The following TNRC6C variants were observed in gnomAD, a reference collection of about 807,000 sequenced individuals.
TNRC6C encodes trinucleotide repeat containing adaptor 6C, also known as trinucleotide repeat-containing gene 6C protein.
A neutral mutation model predicts 153.7 loss-of-function variants in TNRC6C; 20 were observed. The observed-to-expected ratio is 0.13, with a 90% confidence interval of 0.09 to 0.19. TNRC6C has a LOEUF of 0.19. Among genes scored for constraint, TNRC6C ranks in the 10% least tolerant of loss-of-function variants. TNRC6C has a pLI of 1.00. For synonymous variants in TNRC6C, 811 were observed against 841.4 expected (o/e 0.96, Z 0.63); for missense variants, 1,987 against 2,172.0 (o/e 0.91, Z 1.69).
At chr17:78,056,801 C>G (rs531631148) in intron 3 of TNRC6C, among the ~76,000 whole-genome samples, 1 of 143,494 alleles carries the variant, frequency 7.0e-6, no homozygotes, top group Non-Finnish European at 1.6e-5. Context: ...GTAGCCAAAA[C>G]ATGGGAGCTT....
intron 1 of TNRC6C, among the ~76,000 whole-genome samples, chr17:77,961,608 C>T (rs568649354): frequency 3.4e-4 from 51 of 152,034 alleles, no homozygotes; most frequent in Non-Finnish European, 6.8e-4. Context: ...GATTTTCGTC[C>T]TTCGTGTTTA....
intron 13 of TNRC6C, among the ~76,000 whole-genome samples, chr17:78,090,443 C>T (rs16970802): frequency 0.081 from 12,313 of 152,232 alleles, 575 homozygotes; most frequent in East Asian, 0.18. Context: ...ACTGTGCTTA[C>T]GTACCGTGTG....
intron 1 of TNRC6C, among the ~76,000 whole-genome samples, chr17:77,981,523 G>A (rs757875082): frequency 2.0e-5 from 3 of 152,172 alleles, no homozygotes; most frequent in Non-Finnish European, 4.4e-5. Context: ...AAGCAGGATC[G>A]AAGACCAAAT....
At chr17:77,995,721 TAC>T (rs34732155) in intron 1 of TNRC6C, among the ~76,000 whole-genome samples, 34 of 150,686 alleles carry the variant, frequency 2.3e-4, no homozygotes, top group South Asian at 1.5e-3. Flanking sequence ...ACATTTAAAG[TAC>T]ACACACACAC....
At chr17:78,051,949 A>T (rs1300961150) in intron 3 of TNRC6C, among the ~76,000 whole-genome samples, 1 of 152,264 alleles carries the variant, frequency 6.6e-6, no homozygotes, top group African/African-American at 2.4e-5. Context: ...ACCAGTTCTC[A>T]GCCAGAGGGG....
exon 3 of TNRC6C, chr17:78,050,259 T>C: frequency 6.5e-7 from 1 of 1,543,020 alleles, no homozygotes; most frequent in African/African-American, 1.4e-5. Context: ...GTGAAGGAAG[T>C]AGTGATGGTT....
chr17:78,013,798 C>T (rs752774728), intron 1 of TNRC6C, among the ~76,000 whole-genome samples: 4 of 152,010 alleles, frequency 2.6e-5, no homozygotes, highest in South Asian at 2.1e-4. Context: ...AGCCTGTGGC[C>T]GTATGGAGTA....
intron 1 of TNRC6C, among the ~76,000 whole-genome samples, chr17:77,964,141 A>G (rs1025026760): frequency 1.3e-5 from 2 of 152,230 alleles, no homozygotes; most frequent in African/African-American, 4.8e-5. Context: ...TTTTTGGCAT[A>G]ACAAATTTTT....
chr17:78,093,757 A>T lies in TNRC6C; in HGVS notation c.4300A>T (p.Ser1434Cys), dbSNP rs776156457. The T allele has an allele frequency of 3.7e-6, 6 of 1,613,706 alleles. No individual in the cohort carries two copies. In the South Asian group the frequency reaches 6.6e-5, roughly 18 times the overall value. ...GGATGTCAACCGCTACCTCCTCAAG[A>T]GTGGAGGTGAGGGTGCTGCTCTTCC... Residue 1434 changes from serine to cysteine, a missense_variant, in exon 16 of 20, where the codon AGT becomes TGT. Transcript: ENST00000301624.
Position 78,103,394 on chromosome 17 carries a change from C to G in TNRC6C, c.4573-20C>G, listed in dbSNP as rs1245084991. On this transcript the variant is annotated intron_variant, in intron 18 of 19. Transcript: ENST00000301624. ...AAATCAGAAGAAAGCTCATTCATGT[C>G]CCTGTGCTTCCTCTATCAGATTGAT... 3 of 1,612,700 alleles carry G rather than the reference C, an allele frequency of 1.9e-6. No homozygotes were observed. In the African/African-American group the frequency reaches 4.0e-5, roughly 22 times the overall value.
rs905610597 is a variant in TNRC6C, at chr17:78,031,490, G to A, written c.-545-26G>A. On this transcript the variant is annotated intron_variant, in intron 1 of 19. Transcript: ENST00000301624. Reference sequence around the variant, plus strand: ...TAAAGGGGTCTAGCTAAAGTTTTGGGTTCTTTTGCCTTTCATTCATTTTAG... The same window carrying A: ...TAAAGGGGTCTAGCTAAAGTTTTGGATTCTTTTGCCTTTCATTCATTTTAG... The A allele has an allele frequency of 4.1e-6, 5 of 1,231,742 alleles. No homozygotes were observed. The African/African-American group carries it at 7.8e-5, about 19-fold the overall frequency. The allele number at this position is 1,231,742 out of a possible 1,614,324, so 76.3% of individuals were successfully genotyped here.
chr17:78,073,005 T>C (rs1489373970), intron 6 of TNRC6C, 32 bp from the exon 9 acceptor site: 1 of 1,493,942 alleles, frequency 6.7e-7, no homozygotes, highest in Admixed American at 2.0e-5. Flanking sequence ...TTAATTAATG[T>C]GCACTAATGA....
chr17:78,065,053 A>G, intron 4 of TNRC6C, 116 bp downstream of exon 6: 1 of 1,236,204 alleles, frequency 8.1e-7, no homozygotes, highest in Non-Finnish European at 1.1e-6. Context: ...CTTTAACTAC[A>G]AACCAAGAGT....
upstream of TNRC6C, among the ~76,000 whole-genome samples, chr17:77,999,816 A>C (rs1289406763): frequency 1.3e-5 from 2 of 152,296 alleles, no homozygotes; most frequent in East Asian, 3.9e-4. Context: ...GATTCATGAC[A>C]GCTTGTTTCT....
chr17:78,065,811 A>G (rs879745290), intron 4 of TNRC6C, among the ~76,000 whole-genome samples: 1 of 152,222 alleles, frequency 6.6e-6, no homozygotes, highest in Non-Finnish European at 1.5e-5. Flanking sequence ...GCAAATATGC[A>G]GGTAATAAGT....
chr17:78,060,553 A>T (rs1368160218), intron 3 of TNRC6C, among the ~76,000 whole-genome samples: 2 of 149,492 alleles, frequency 1.3e-5, no homozygotes. Context: ...GCTCACTGCA[A>T]CCTCTGCCTC....
intron 17 of TNRC6C, among the ~76,000 whole-genome samples, chr17:78,100,034 ATC>A (rs1441582787): frequency 6.6e-6 from 1 of 152,210 alleles, no homozygotes; most frequent in Non-Finnish European, 1.5e-5. Flanking sequence ...TTGACTTCAT[ATC>A]TCGCATCTGG....
At position 78,071,292 on chromosome 17, in the gene TNRC6C, C is replaced by T; in HGVS notation, c.2859+127C>T. 4.4e-6 allele frequency: 4 copies of T among 915,866 alleles called. No individual in the cohort carries two copies. The East Asian group carries it at 8.0e-5, about 18-fold the overall frequency. 56.7% of individuals were successfully genotyped at this position (915,866 alleles called of 1,614,324 possible). A position where few individuals can be genotyped will look rare whatever the true frequency, so the allele number is the denominator to read the frequency against. ...GATTGTTTGAGGAATGAGATATTGA[C>T]ATCATCTAACTCTTAAATCTCCCTT... On this transcript the variant is annotated intron_variant, in intron 6 of 19. Transcript: ENST00000301624.
At position 78,075,004 on chromosome 17, in the gene TNRC6C, C is replaced by G. The variant is rs1195324649; in HGVS notation, c.2918-132C>G. On this transcript the variant is annotated intron_variant, in intron 7 of 19. Coordinates refer to ENST00000301624, the Ensembl canonical transcript of TNRC6C. The surrounding 1 kb of genome is among the most constrained non-coding windows in gnomAD (Gnocchi z 4.2). ...AGCCCTAGCAAAGCAAGGGCTCTCT[C>G]TGCCCCTGGCTTCCCTGTGTTTGAA... is the stretch of plus-strand genomic sequence containing the variant. 1 of 1,193,740 alleles carries G rather than the reference C, an allele frequency of 8.4e-7. No homozygotes were observed. The highest frequency in any genetic ancestry group is 1.2e-6 in the Non-Finnish European group (1 of 862,182). 73.9% of individuals were successfully genotyped at this position (1,193,740 alleles called of 1,614,324 possible).
Sources: gnomAD v4.1 joint callset for allele counts (sites outside exome capture counted in the v4.1 genomes callset) on GRCh38, gnomAD v4.1.1 for gene constraint, Gnocchi (gnomAD v3.1) non-coding constraint, MANE v1.5 for transcripts, NCBI Gene and HGNC (gene_info 2026-07-23, HGNC 2026-07-21) for gene names.